Variants in GRID1 observed in about 807,000 individuals in gnomAD.
The protein encoded by GRID1 is glutamate ionotropic receptor delta type subunit 1, also known as glutamate receptor ionotropic, delta-1.
A neutral mutation model predicts 98.0 loss-of-function variants in GRID1; 28 were observed. The observed-to-expected ratio is 0.29, with a 90% CI of 0.21 to 0.39. The LOEUF is 0.39. GRID1 is among the 10% of genes least tolerant of loss of function. GRID1 has a pLI of 1.00. For missense variants in GRID1, 1,111 were observed against 1,340.5 expected, an observed-to-expected ratio of 0.83 and a Z score of 2.67; for synonymous variants, 553 against 538.5, an observed-to-expected ratio of 1.03 and a Z score of -0.37.
intron 4 of GRID1, among the ~76,000 whole-genome samples, chr10:86,134,044 G>A (rs1037552282): frequency 9.9e-5 from 15 of 152,238 alleles, no homozygotes; most frequent in African/African-American, 3.4e-4. Flanking sequence ...TAGAGACAGT[G>A]GCATAGAACC....
intron 12 of GRID1, among the ~76,000 whole-genome samples, chr10:85,709,542 C>CT (rs1435320070): frequency 6.6e-6 from 1 of 152,112 alleles, no homozygotes; most frequent in Non-Finnish European, 1.5e-5. Context: ...CCCATCAAGA[C>CT]TTAGAGAATT....
intron 13 of GRID1, among the ~76,000 whole-genome samples, chr10:85,638,523 G>C (rs1295792077): frequency 6.6e-6 from 1 of 152,140 alleles, no homozygotes; most frequent in Non-Finnish European, 1.5e-5. Context: ...ACAGAATAGA[G>C]AGTCCAGAAA....
At chr10:86,339,650 G>A (rs17106600) in intron 2 of GRID1, among the ~76,000 whole-genome samples, 41,827 of 152,124 alleles carry the variant, frequency 0.27, 8,342 homozygotes, top group African/African-American at 0.55. Flanking sequence ...AGGAACCCAC[G>A]ACAGCAAAGG....
At chr10:86,086,704 G>A (rs1172535867) in intron 4 of GRID1, among the ~76,000 whole-genome samples, 1 of 152,242 alleles carries the variant, frequency 6.6e-6, no homozygotes, top group Non-Finnish European at 1.5e-5. Flanking sequence ...ATGTGCAGGT[G>A]TGTACTTGTG....
rs752886729 is a variant in GRID1, at chr10:85,724,365, G to A, written c.1845C>T (p.Ala615=). The stretch of plus-strand genomic sequence containing the variant: ...CCAGAAAGGTACCTTGCTGTACGAA[G>A]GCTCCATAGACAATCCAGATGGCGC... ...LHSAIWIVYG[A]FVQQGGESSV... is the part of the protein sequence containing the mutation. Residue 615 remains alanine, a synonymous_variant, in exon 11 of 16, where the codon GCC becomes GCT. Transcript: ENST00000327946. The A allele has an allele frequency of 1.9e-6, 3 of 1,612,738 alleles. No individual in the cohort carries two copies. The East Asian group carries it at 6.7e-5, about 36-fold the overall frequency.
chr10:85,864,495 C>T (rs978563027), intron 6 of GRID1, among the ~76,000 whole-genome samples: 5 of 152,338 alleles, frequency 3.3e-5, no homozygotes, highest in Admixed American at 1.3e-4. Context: ...AGAACACTTG[C>T]GCAATTGTCT....
chr10:86,036,199 G>A (rs1031802361), intron 4 of GRID1, among the ~76,000 whole-genome samples: 9 of 152,204 alleles, frequency 5.9e-5, no homozygotes, highest in African/African-American at 1.7e-4. Context: ...GGGTGGCTAC[G>A]ACAAGGGACA....
chr10:86,141,935 G>A (rs1207010338), intron 3 of GRID1, among the ~76,000 whole-genome samples: 1 of 152,258 alleles, frequency 6.6e-6, no homozygotes, highest in Non-Finnish European at 1.5e-5. Flanking sequence ...TTCTGTCACT[G>A]TGAGGACTCC....
intron 2 of GRID1, among the ~76,000 whole-genome samples, chr10:86,326,574 G>T (rs557816462): frequency 6.6e-6 from 1 of 152,314 alleles, no homozygotes; most frequent in East Asian, 1.9e-4. Context: ...AAAATTTAAA[G>T]CCATAGAGAG....
intron 8 of GRID1, among the ~76,000 whole-genome samples, chr10:85,816,816 A>G (rs1842720491): frequency 6.6e-6 from 1 of 152,202 alleles, no homozygotes; most frequent in Admixed American, 6.5e-5. Flanking sequence ...TAATAAGTAT[A>G]GTACCTGATA....
chr10:86,124,555 C>G (rs530679648), intron 4 of GRID1, among the ~76,000 whole-genome samples: 1 of 152,184 alleles, frequency 6.6e-6, no homozygotes, highest in Non-Finnish European at 1.5e-5. Flanking sequence ...CACGAAACCA[C>G]TCTCTTCTTA....
chr10:85,623,488 C>T lies in GRID1; in HGVS notation c.2194-3455G>A, dbSNP rs563954347. Among the ~76,000 whole-genome samples, 4 of 152,276 alleles carry T rather than the reference C, an allele frequency of 2.6e-5. No homozygotes were observed. The South Asian group carries it at 8.3e-4, about 32-fold the overall frequency. On this transcript the variant is annotated intron_variant, in intron 13 of 15. Transcript: ENST00000327946. ...TGGCCCCAAATAATGATGAATTCAC[C>T]CCCTTATTCTGTGCTACTTATCCAC...
chr10:85,619,597 C>T (rs1264705129), intron 14 of GRID1, among the ~76,000 whole-genome samples: 3 of 152,258 alleles, frequency 2.0e-5, no homozygotes, highest in South Asian at 4.2e-4. Flanking sequence ...ATCCTGAAGA[C>T]GTCCTTGCCA....
chr10:85,698,006 A>C (rs1348817660), intron 12 of GRID1, among the ~76,000 whole-genome samples: 1 of 152,144 alleles, frequency 6.6e-6, no homozygotes, highest in African/African-American at 2.4e-5. Context: ...GAAGTTACTA[A>C]CTTGAATGGC....
At chr10:85,607,478 G>A (rs137930162) in intron 15 of GRID1, among the ~76,000 whole-genome samples, 121 of 152,282 alleles carry the variant, frequency 7.9e-4, no homozygotes, top group African/African-American at 2.5e-3. Context: ...CAACCCCAAC[G>A]GGCCGGGCTA....
At chr10:85,877,389 C>G (rs182313143) in intron 5 of GRID1, among the ~76,000 whole-genome samples, 1 of 152,332 alleles carries the variant, frequency 6.6e-6, no homozygotes, top group Admixed American at 6.5e-5. Context: ...GGGCTGGGTA[C>G]TCCTCTGAGA....
chr10:86,150,641 G>A (rs922375358), intron 3 of GRID1, among the ~76,000 whole-genome samples: 3 of 152,168 alleles, frequency 2.0e-5, no homozygotes, highest in Non-Finnish European at 2.9e-5. Flanking sequence ...GCATGCTACA[G>A]ACTGAATGTT....
chr10:85,702,017 A>G (rs1344779128), intron 12 of GRID1, among the ~76,000 whole-genome samples: 7 of 152,226 alleles, frequency 4.6e-5, no homozygotes, highest in Non-Finnish European at 1.5e-5. Flanking sequence ...ATATGGAGAC[A>G]TAAAGGAAGA....
chr10:85,939,012 T>C (rs929212588), intron 4 of GRID1, among the ~76,000 whole-genome samples: 2 of 152,230 alleles, frequency 1.3e-5, no homozygotes, highest in Non-Finnish European at 2.9e-5. Flanking sequence ...ATGCTGACAC[T>C]TGTAGCCTCC....
Sources: allele counts gnomAD v4.1 joint callset (sites outside exome capture counted in the v4.1 genomes callset), GRCh38; gene constraint gnomAD v4.1.1; transcripts MANE v1.5; gene names NCBI Gene and HGNC (gene_info 2026-07-23, HGNC 2026-07-21).